CEP112: variants seen among roughly 807,000 people sequenced by gnomAD.
The protein encoded by CEP112 is centrosomal protein 112.
In CEP112, 127 loss-of-function variants were observed where a neutral mutation model predicts 153.0. The observed-to-expected ratio is 0.83, with a 90% CI of 0.72 to 0.96. The LOEUF is 0.96. Ranked by LOEUF, CEP112 falls within the 40% of genes least tolerant of loss-of-function variation. The pLI, the probability that CEP112 is intolerant of heterozygous loss-of-function variation, is 0.00. For synonymous variants in CEP112, 358 were observed against 374.4 expected (o/e 0.96, Z 0.51); for missense variants, 1,089 against 1,101.2 (o/e 0.99, Z 0.16).
At chr17:65,861,521 T>C (rs1276190318) in intron 20 of CEP112, among the ~76,000 whole-genome samples, 2 of 152,086 alleles carry the variant, frequency 1.3e-5, no homozygotes, top group African/African-American at 2.4e-5. Context: ...CAAAAGAATA[T>C]TATCCAGAAT....
At chr17:65,888,655 C>T (rs1279220663) in intron 20 of CEP112, among the ~76,000 whole-genome samples, 2 of 152,082 alleles carry the variant, frequency 1.3e-5, no homozygotes, top group Non-Finnish European at 2.9e-5. Flanking sequence ...AAATTAAAAT[C>T]AAGAAAAGGG....
chr17:66,158,484 C>T (rs1272928930), intron 4 of CEP112, among the ~76,000 whole-genome samples: 5 of 152,048 alleles, frequency 3.3e-5, no homozygotes, highest in South Asian at 2.1e-4. Context: ...TGGTGGTGGG[C>T]GCCTGTAGTC....
intron 17 of CEP112, among the ~76,000 whole-genome samples, chr17:65,997,790 TCCCC>T (rs5821560): frequency 0.41 from 61,926 of 149,758 alleles, 14,137 homozygotes; most frequent in East Asian, 0.86. Flanking sequence ...ACCCTAAACA[TCCCC>T]CCCCCCACAC....
chr17:65,695,740 G>A (rs1382170847), intron 23 of CEP112, among the ~76,000 whole-genome samples: 1 of 152,200 alleles, frequency 6.6e-6, no homozygotes, highest in Non-Finnish European at 1.5e-5. Flanking sequence ...GAGGCTTTCA[G>A]ATGTAGTACT....
At chr17:65,923,607 A>T (rs938440594) in intron 19 of CEP112, among the ~76,000 whole-genome samples, 21 of 152,326 alleles carry the variant, frequency 1.4e-4, no homozygotes, top group Admixed American at 1.1e-3. Flanking sequence ...GTTTCTTAGC[A>T]TTCATAATTT....
intron 12 of CEP112, among the ~76,000 whole-genome samples, chr17:66,039,648 C>A (rs1024668783): frequency 3.3e-5 from 5 of 152,088 alleles, no homozygotes; most frequent in African/African-American, 9.7e-5. Flanking sequence ...AATCATAAAT[C>A]TTAAAAATAA....
rs75951325 is a variant in CEP112, at chr17:65,721,964, G to A, written c.2607+21104C>T. Among the ~76,000 whole-genome samples, 1,395 of 152,266 alleles carry A rather than the reference G, an allele frequency of 9.2e-3. 18 individuals are homozygous for A. The highest frequency in any genetic ancestry group is 0.032 in the African/African-American group (1,323 of 41,546). Reference sequence around the variant, plus strand: ...ACTCTAAAAGCCAAGGGAAATTTCTGCTTGAATTGCAAGGAACCACAGTAG... The same window carrying A: ...ACTCTAAAAGCCAAGGGAAATTTCTACTTGAATTGCAAGGAACCACAGTAG... On this transcript the variant is annotated intron_variant, in intron 23 of 26. Coordinates refer to ENST00000535342, the MANE Select transcript of CEP112 (RefSeq NM_001199165.4).
chr17:65,996,757 G>C (rs985235681), intron 17 of CEP112, among the ~76,000 whole-genome samples: 1 of 152,132 alleles, frequency 6.6e-6, no homozygotes, highest in Non-Finnish European at 1.5e-5. Flanking sequence ...GAAATGTTAG[G>C]ATATTTAGGA....
chr17:66,014,108 GT>G (rs1466197379), intron 16 of CEP112, among the ~76,000 whole-genome samples: 2 of 152,216 alleles, frequency 1.3e-5, no homozygotes, highest in African/African-American at 4.8e-5. Context: ...GAAGGGCAAG[GT>G]TCACCCATGC....
At chr17:65,749,862 A>ATATG (rs2051713609) in intron 22 of CEP112, among the ~76,000 whole-genome samples, 1 of 149,502 alleles carries the variant, frequency 6.7e-6, no homozygotes, top group African/African-American at 2.4e-5. Context: ...ACCACTGTAT[A>ATATG]TATATATAAA....
At chr17:65,661,561 T>TATTG (rs1243886055) in intron 24 of CEP112, among the ~76,000 whole-genome samples, 1 of 152,200 alleles carries the variant, frequency 6.6e-6, no homozygotes, top group African/African-American at 2.4e-5. Context: ...CTATTATAAC[T>TATTG]ATTGATTTGC....
In CEP112 at chr17:65,743,066, A is replaced by G. The variant is rs1410917447; in HGVS notation, c.2607+2T>C. On this transcript the variant is annotated splice_donor_variant, in intron 23 of 26. Transcript: ENST00000535342. LOFTEE classifies it high-confidence loss of function. The stretch of plus-strand genomic sequence containing the variant: ...CACTGGTTACTGAAGTCTTCAGATT[A>G]CCTTGATTGCTTGGTCATTATCTCT... 1.2e-6 allele frequency: 2 copies of G among 1,604,298 alleles called. No homozygotes were observed. Among genetic ancestry groups the G allele is most frequent in the African/African-American group, 2.7e-5 (2 of 74,616 alleles).
intron 17 of CEP112, among the ~76,000 whole-genome samples, chr17:65,976,844 T>C (rs1368059860): frequency 2.0e-5 from 3 of 150,504 alleles, no homozygotes; most frequent in Non-Finnish European, 2.9e-5. Context: ...GTTCAAGCGA[T>C]TTTCGTGCCT....
chr17:65,725,922 C>G (rs1345830070), intron 23 of CEP112, among the ~76,000 whole-genome samples: 2 of 152,064 alleles, frequency 1.3e-5, no homozygotes, highest in African/African-American at 4.8e-5. Context: ...TGGGTGGGGA[C>G]ACAGAGCCAA....
chr17:66,148,575 T>G (rs1168277565), intron 4 of CEP112, among the ~76,000 whole-genome samples: 5 of 152,186 alleles, frequency 3.3e-5, no homozygotes, highest in African/African-American at 1.2e-4. Flanking sequence ...CTTCACCTCC[T>G]TAGTTAGGCT....
chr17:65,880,771 G>C (rs937422014), intron 20 of CEP112, among the ~76,000 whole-genome samples: 3 of 152,164 alleles, frequency 2.0e-5, no homozygotes, highest in Non-Finnish European at 2.9e-5. Flanking sequence ...TGTGGCCAGT[G>C]CTCAACATCA....
intron 6 of CEP112, among the ~76,000 whole-genome samples, chr17:66,127,176 T>C (rs1189788275): frequency 6.6e-6 from 1 of 152,258 alleles, no homozygotes; most frequent in Non-Finnish European, 1.5e-5. Flanking sequence ...TTAAATGTTT[T>C]ATTTTAATTT....
chr17:65,820,701 A>T (rs1030949972), intron 21 of CEP112, among the ~76,000 whole-genome samples: 1 of 152,104 alleles, frequency 6.6e-6, no homozygotes, highest in Non-Finnish European at 1.5e-5. Flanking sequence ...ACTTCCTTCA[A>T]CTTCATAAGG....
At chr17:65,725,949 T>C (rs1186248437) in intron 23 of CEP112, among the ~76,000 whole-genome samples, 1 of 152,176 alleles carries the variant, frequency 6.6e-6, no homozygotes, top group Admixed American at 6.5e-5. Flanking sequence ...TCAGCCACCA[T>C]GTCAGGCCAG....
Sources: allele counts gnomAD v4.1 joint callset (sites outside exome capture counted in the v4.1 genomes callset), GRCh38; gene constraint gnomAD v4.1.1; transcripts MANE v1.5; gene names NCBI Gene and HGNC (gene_info 2026-07-23, HGNC 2026-07-21).